RFX6: variants seen among roughly 807,000 people sequenced by gnomAD.
The protein encoded by RFX6 is DNA-binding protein RFX6.
Under a neutral mutation model 110.8 loss-of-function variants are expected in RFX6, and 50 were observed. The ratio of observed to expected loss-of-function variants is 0.45; its 90% confidence interval spans 0.36 to 0.57. The LOEUF is 0.57. RFX6 is among the 20% of genes least tolerant of loss of function. RFX6 has a pLI of 0.00. For synonymous variants in RFX6, 383 were observed against 411.2 expected (o/e 0.93, Z 0.83); for missense variants, 990 against 1,127.0 (o/e 0.88, Z 1.74).
Position 116,922,163 on chromosome 6 carries a change from T to C in RFX6, c.1437+12T>C, listed in dbSNP as rs771590410. On this transcript the variant is annotated intron_variant, in intron 13 of 18. Transcript: ENST00000332958. Reference sequence around the variant, plus strand: ...AGAGAGTTATTAAGGTACTTTTTAATGACAGATTCAGAAAATAAGTTCCTT... The same window carrying C: ...AGAGAGTTATTAAGGTACTTTTTAACGACAGATTCAGAAAATAAGTTCCTT... 8.6e-7 allele frequency: 1 copy of C among 1,168,538 alleles called. No homozygotes were observed. Among genetic ancestry groups the C allele is most frequent in the Non-Finnish European group, 1.3e-6 (1 of 774,226 alleles). The allele number at this position is 1,168,538 out of a possible 1,614,324, so 72.4% of individuals were successfully genotyped here. A position where few individuals can be genotyped will look rare whatever the true frequency, so the allele number is the denominator to read the frequency against.
chr6:116,880,262 G>A (rs1774558701), intron 2 of RFX6, among the ~76,000 whole-genome samples: 1 of 151,960 alleles, frequency 6.6e-6, no homozygotes, highest in Non-Finnish European at 1.5e-5. Context: ...GAACCATGAG[G>A]TTTATATAGA....
At chr6:116,879,672 C>T (rs1033878344) in intron 2 of RFX6, among the ~76,000 whole-genome samples, 1 of 151,804 alleles carries the variant, frequency 6.6e-6, no homozygotes, top group South Asian at 2.1e-4. Flanking sequence ...TCTTACTATA[C>T]ATAAAATTGG....
rs182416970 is a variant in RFX6, at chr6:116,905,604, G to T, written c.673-5331G>T. ...AGTCTCACTCTGTCACCAGGCTGGA[G>T]TGCAGTGGTGCAGTCTCGGCTCACT... On this transcript the variant is annotated intron_variant, in intron 6 of 18. Transcript: ENST00000332958. Among the ~76,000 whole-genome samples the T allele has an allele frequency of 2.3e-4, 34 of 150,208 alleles. 1 individual carries two copies. The East Asian group carries it at 6.1e-3, about 27-fold the overall frequency.
In RFX6 at chr6:116,914,099, G is replaced by A. The variant is rs569958389; in HGVS notation, c.781-1909G>A. Among the ~76,000 whole-genome samples, 24 of 151,856 alleles carry A rather than the reference G, an allele frequency of 1.6e-4. No homozygotes were observed. In the South Asian group the frequency reaches 2.9e-3, roughly 18 times the overall value. ...ATTTTCCTCTCCCCCTCCTCTTTCC[G>A]ACCTCTGGTAACCACCAGTCTACTC... On this transcript the variant is annotated intron_variant, in intron 7 of 18. Coordinates refer to ENST00000332958, the MANE Select transcript of RFX6 (RefSeq NM_173560.4).
rs1432988974 is a variant in RFX6, at chr6:116,899,146, AAT to A, written c.672+3941_672+3942del. Among the ~76,000 whole-genome samples the A allele has an allele frequency of 2.0e-5, 3 of 152,198 alleles. No individual in the cohort carries two copies. In the East Asian group the frequency reaches 5.8e-4, roughly 29 times the overall value. On this transcript the variant is annotated intron_variant, in intron 6 of 18. Coordinates refer to ENST00000332958, the MANE Select transcript of RFX6 (RefSeq NM_173560.4). ...ATGCAAAATATTCAGGAACAGTTATAATAAGAGAAGCATACTGCCTATTTGGA... is the reference window on the plus strand; with the variant it reads ...ATGCAAAATATTCAGGAACAGTTATAAAGAGAAGCATACTGCCTATTTGGA...
chr6:116,922,265 T>C, intron 13 of RFX6, 114 bp downstream of exon 13: 1 of 708,978 alleles, frequency 1.4e-6, no homozygotes, highest in Admixed American at 2.0e-5. Flanking sequence ...TGTAAAGGCT[T>C]TGAAAAGCTT....
At chr6:116,924,818 G>C (rs774712591) in intron 15 of RFX6, 27 bp downstream of exon 15, 1 of 1,501,704 alleles carries the variant, frequency 6.7e-7, no homozygotes, top group South Asian at 1.1e-5. Flanking sequence ...GTTTTGTTTT[G>C]CATATTTCTT....
intron 17 of RFX6, among the ~76,000 whole-genome samples, 181 bp from the exon 18 acceptor site, chr6:116,928,575 AAAC>A (rs1775805738): frequency 6.6e-6 from 1 of 152,216 alleles, no homozygotes; most frequent in South Asian, 2.1e-4. Context: ...AAAACACAAA[AAAC>A]AGCACAGTAA....
intron 17 of RFX6, 70 bp downstream of exon 17, chr6:116,927,609 C>T (rs1582539440): frequency 3.2e-6 from 4 of 1,260,918 alleles, no homozygotes; most frequent in Middle Eastern, 1.9e-4. Context: ...CATTGCGTTC[C>T]ACCTCTGCTG....
chr6:116,887,676 CAT>C (rs1395901232), intron 4 of RFX6, among the ~76,000 whole-genome samples: 5 of 152,134 alleles, frequency 3.3e-5, no homozygotes, highest in African/African-American at 1.2e-4. Flanking sequence ...TTCCTACTGA[CAT>C]GGATGTACAA....
At chr6:116,893,846 C>G in intron 4 of RFX6, 141 bp from the exon 5 acceptor site, 1 of 696,474 alleles carries the variant, frequency 1.4e-6, no homozygotes, top group South Asian at 1.5e-5. Context: ...TAAGATGCTG[C>G]CTACCTGAAA....
intron 5 of RFX6, among the ~76,000 whole-genome samples, chr6:116,894,963 C>A (rs1204708282): frequency 6.6e-6 from 1 of 152,006 alleles, no homozygotes; most frequent in Non-Finnish European, 1.5e-5. Context: ...TCTCACCTGG[C>A]TTTTAAAAAT....
At chr6:116,904,866 AATG>A (rs1415101878) in intron 6 of RFX6, among the ~76,000 whole-genome samples, 2 of 152,218 alleles carry the variant, frequency 1.3e-5, no homozygotes, top group Middle Eastern at 3.2e-3. Context: ...TTTAAGGATG[AATG>A]ATATTTCATT....
At chr6:116,910,909 T>A in intron 6 of RFX6, 26 bp from the exon 7 acceptor site, 2 of 1,435,144 alleles carry the variant, frequency 1.4e-6, no homozygotes, top group Non-Finnish European at 2.0e-6. Context: ...TAATGATGTA[T>A]TTGTTTTCAT....
intron 2 of RFX6, 83 bp downstream of exon 2, chr6:116,878,035 T>A (rs1774503965): frequency 1.4e-6 from 2 of 1,390,992 alleles, no homozygotes; most frequent in Non-Finnish European, 2.0e-6. Context: ...TTTTCACAAT[T>A]TACTTCTTCC....
At chr6:116,889,885 TTATC>T (rs1774782894) in intron 4 of RFX6, among the ~76,000 whole-genome samples, 1 of 152,162 alleles carries the variant, frequency 6.6e-6, no homozygotes, top group Admixed American at 6.5e-5. Context: ...ATTCATTCAT[TTATC>T]TAATAAATGT....
chr6:116,888,128 C>G (rs1170617041), intron 4 of RFX6, among the ~76,000 whole-genome samples: 1 of 152,100 alleles, frequency 6.6e-6, no homozygotes, highest in Admixed American at 6.5e-5. Flanking sequence ...ATTTCCTTAT[C>G]AGTTATCATT....
rs527973135 is a variant in RFX6 at position 116,894,730 on chromosome 6, C to T, written c.645-450C>T. 5.9e-5 allele frequency among the ~76,000 whole-genome samples: 9 copies of T among 151,940 alleles called. No homozygotes were observed. In the South Asian group the frequency reaches 1.0e-3, roughly 18 times the overall value. ...GTGTATCTGAGATTGCTTTATGGTA[C>T]GATTTACCAAGAATTGCTCTTAGCT... On this transcript the variant is annotated intron_variant, in intron 5 of 18. Coordinates refer to ENST00000332958, the MANE Select transcript of RFX6 (RefSeq NM_173560.4).
At chr6:116,878,945 TTAAC>T (rs1562130757) in intron 2 of RFX6, among the ~76,000 whole-genome samples, 2 of 152,002 alleles carry the variant, frequency 1.3e-5, no homozygotes, top group East Asian at 1.9e-4. Flanking sequence ...AAGTTGGAGT[TTAAC>T]TATTGAAGTT....
Sources: gnomAD v4.1 joint callset for allele counts (sites outside exome capture counted in the v4.1 genomes callset) on GRCh38, gnomAD v4.1.1 for gene constraint, MANE v1.5 for transcripts, NCBI Gene and HGNC (gene_info 2026-07-23, HGNC 2026-07-21) for gene names.